Variants in UTP20 observed in about 807,000 individuals in gnomAD.
The protein encoded by UTP20 is UTP20 small subunit processome component.
UTP20 carries 164 observed loss-of-function variants against 329.5 expected under a neutral mutation model. That is an observed-to-expected ratio of 0.50 (90% CI 0.44 to 0.57). UTP20 has a LOEUF of 0.57. Among genes scored for constraint, UTP20 ranks in the 20% least tolerant of loss-of-function variants. The pLI is 0.00. For synonymous variants in UTP20, 1,151 were observed against 1,159.3 expected (o/e 0.99, Z 0.14); for missense variants, 3,055 against 3,284.2 (o/e 0.93, Z 1.71).
rs1175539996 is a variant in UTP20, at chr12:101,289,039, A to C, written c.595A>C (p.Lys199Gln). 1.2e-6 allele frequency: 2 copies of C among 1,609,302 alleles called. No individual in the cohort carries two copies. Among genetic ancestry groups the C allele is most frequent in the Admixed American group, 1.7e-5 (1 of 59,930 alleles). ...TGAAAGTTTTACTTTTTTGATGAGA[A>C]AGGTTAGTCTGGTATTTTATCTGTT... ...AAESFTFLMR[K>Q]VSDKNALFNL... The change falls in exon 6 of 62, where the codon AAG becomes CAG. Residue 199 changes from lysine (K) to glutamine (Q), a missense_variant and splice_region_variant. This residue lies in a region of UTP20 where 2,445 missense variants were observed against 2,575.5 expected (regional missense o/e 0.95). Coordinates refer to ENST00000261637, the MANE Select transcript of UTP20 (RefSeq NM_014503.3).
chr12:101,345,695 G>A lies in UTP20; in HGVS notation c.4746+1G>A. 6.2e-7 allele frequency: 1 copy of A among 1,605,746 alleles called. No homozygotes were observed. The highest frequency in any genetic ancestry group is 8.5e-7 in the Non-Finnish European group (1 of 1,177,804). On this transcript the variant is annotated splice_donor_variant, in intron 37 of 61. Transcript: ENST00000261637. LOFTEE classifies it high-confidence loss of function. ...CTTTGAGAACATGAAGCACATTCAG[G>A]TAGAAGACAATTCTGCTTTTTCCTA... is the stretch of plus-strand genomic sequence containing the variant.
chr12:101,329,295 T>G lies in UTP20; in HGVS notation c.3263T>G (p.Val1088Gly), dbSNP rs1204358919. 1 of 1,614,192 alleles carries G rather than the reference T, an allele frequency of 6.2e-7. No individual in the cohort carries two copies. The highest frequency in any genetic ancestry group is 8.5e-7 in the Non-Finnish European group (1 of 1,180,030). ...QAVEDLDLSK[V>G]LPLGRQHGIL... ...GTAGAAGACTTGGATTTGTCTAAAG[T>G]TCTTCCTTTAGGTCGTCAGCACGGT... Residue 1088 changes from valine (V) to glycine (G), a missense_variant, in exon 27 of 62, where the codon GTT becomes GGT. Val to Gly is a moderately radical substitution (Grantham distance 109). Coordinates refer to ENST00000261637, the MANE Select transcript of UTP20 (RefSeq NM_014503.3).
intron 35 of UTP20, among the ~76,000 whole-genome samples, chr12:101,343,635 G>A (rs1236199744): frequency 6.6e-6 from 1 of 151,968 alleles, no homozygotes; most frequent in Non-Finnish European, 1.5e-5. Context: ...TCAGCCTCCC[G>A]AATAGTAGCT....
intron 18 of UTP20, 40 bp downstream of exon 18, chr12:101,308,383 G>T (rs775079356): frequency 7.3e-7 from 1 of 1,360,610 alleles, no homozygotes; most frequent in Non-Finnish European, 9.5e-7. Context: ...TTTAATTCAT[G>T]CTTTAAATCC....
rs146428951 is a variant in UTP20, at chr12:101,351,981, C to G, written c.4885-74C>G. ...ATTACTGAGAACTTACTAACTTTTTCAATATACTGAGTTAGCCTTGCATTT... is the reference window on the plus strand; with the variant it reads ...ATTACTGAGAACTTACTAACTTTTTGAATATACTGAGTTAGCCTTGCATTT... On this transcript the variant is annotated intron_variant, in intron 38 of 61. Coordinates refer to ENST00000261637, the MANE Select transcript of UTP20 (RefSeq NM_014503.3). 5.2e-5 allele frequency: 81 copies of G among 1,546,556 alleles called. No individual in the cohort carries two copies. The African/African-American group carries it at 5.2e-4, about 10-fold the overall frequency.
chr12:101,379,697 T>G, intron 57 of UTP20, 139 bp downstream of exon 57: 1 of 915,662 alleles, frequency 1.1e-6, no homozygotes, highest in Non-Finnish European at 1.6e-6. Flanking sequence ...AATAGGAATA[T>G]TAGTCACTGG....
intron 29 of UTP20, among the ~76,000 whole-genome samples, chr12:101,336,056 T>G (rs1450134717): frequency 6.6e-6 from 1 of 152,244 alleles, no homozygotes; most frequent in Admixed American, 6.5e-5. Context: ...TGGATGCCAC[T>G]TCATTCTTTT....
intron 29 of UTP20, among the ~76,000 whole-genome samples, chr12:101,335,062 G>T (rs779728761): frequency 7.2e-5 from 11 of 152,110 alleles, no homozygotes; most frequent in South Asian, 6.2e-4. Flanking sequence ...AATATGAAAT[G>T]AAATAGAAAC....
At chr12:101,295,439 A>G (rs1043865449) in intron 11 of UTP20, 41 bp from the exon 12 acceptor site, 5 of 1,486,826 alleles carry the variant, frequency 3.4e-6, no homozygotes, top group Non-Finnish European at 3.6e-6. Flanking sequence ...TCTCTTTATT[A>G]TATCTGTTAA....
chr12:101,371,746 A>C (rs933839854), intron 51 of UTP20, among the ~76,000 whole-genome samples: 6 of 151,790 alleles, frequency 4.0e-5, no homozygotes, highest in Admixed American at 6.6e-5. Flanking sequence ...GTTGGCCAGG[A>C]TGGTCTTGAT....
At chr12:101,312,683 AC>A (rs1182601477) in intron 21 of UTP20, among the ~76,000 whole-genome samples, 1 of 152,144 alleles carries the variant, frequency 6.6e-6, no homozygotes, top group Non-Finnish European at 1.5e-5. Flanking sequence ...CAGGTGATCC[AC>A]CCACCTCGGC....
intron 22 of UTP20, among the ~76,000 whole-genome samples, chr12:101,318,374 CATTT>C (rs1481967280): frequency 1.3e-5 from 2 of 152,134 alleles, no homozygotes; most frequent in Non-Finnish European, 2.9e-5. Context: ...TCCCCTGAGC[CATTT>C]ATTAGTTCAT....
intron 15 of UTP20, 136 bp downstream of exon 15, chr12:101,302,689 T>C (rs1014072749): frequency 1.6e-5 from 9 of 567,014 alleles, no homozygotes; most frequent in Non-Finnish European, 1.2e-5. Flanking sequence ...AAATTTAATA[T>C]TGATTTAGAT....
Position 101,374,926 on chromosome 12 carries a change from A to G in UTP20, c.7250A>G (p.Glu2417Gly). The change falls in exon 55 of 62, where the codon GAA (glutamate) becomes GGA (glycine). Residue 2417 changes from glutamate to glycine, a missense_variant. Coordinates refer to ENST00000261637, the MANE Select transcript of UTP20 (RefSeq NM_014503.3). Reference sequence around the variant, plus strand: ...GTGATTGAAAAGGAAATTGATCCTGAAAACTTTAAAGATGTAAGTAATTTG... The same window carrying G: ...GTGATTGAAAAGGAAATTGATCCTGGAAACTTTAAAGATGTAAGTAATTTG... ...LPVIEKEIDP[E>G]NFKDIMEETE... 1 of 1,612,320 alleles carries G rather than the reference A, an allele frequency of 6.2e-7. No homozygotes were observed. The highest frequency in any genetic ancestry group is 1.1e-5 in the South Asian group (1 of 91,002).
intron 15 of UTP20, among the ~76,000 whole-genome samples, chr12:101,305,203 C>T (rs1199823019): frequency 1.3e-5 from 2 of 151,974 alleles, no homozygotes; most frequent in Admixed American, 6.6e-5. Flanking sequence ...AGCCTTTCTC[C>T]ATGACGCTCA....
intron 43 of UTP20, among the ~76,000 whole-genome samples, chr12:101,359,003 G>A (rs1205933361): frequency 6.6e-6 from 1 of 152,054 alleles, no homozygotes. Context: ...ACTCTGGTTG[G>A]CATTTTCTGA....
chr12:101,362,590 G>A (rs1346955511), intron 44 of UTP20, among the ~76,000 whole-genome samples: 1 of 112,580 alleles, frequency 8.9e-6, no homozygotes, highest in Non-Finnish European at 1.5e-5. Flanking sequence ...TGTAATCCCA[G>A]CTACCCAGGA....
rs186228274 is a variant in UTP20 at position 101,360,882 on chromosome 12, C to A, written c.5692-1080C>A. 6.6e-5 allele frequency among the ~76,000 whole-genome samples: 10 copies of A among 152,236 alleles called. No individual in the cohort carries two copies. In the East Asian group the frequency reaches 1.4e-3, roughly 21 times the overall value. ...CATAAGAAACTATGCGTTTAAGACC[C>A]AATCTACGTTTTGACAACTAAATGT... On this transcript the variant is annotated intron_variant, in intron 43 of 61. Transcript: ENST00000261637.
intron 4 of UTP20, 132 bp downstream of exon 4, chr12:101,286,013 T>G: frequency 7.8e-7 from 1 of 1,280,308 alleles, no homozygotes; most frequent in Non-Finnish European, 1.1e-6. Flanking sequence ...CCTTTTCTGT[T>G]AGGAATAAGT....
Sources: allele counts gnomAD v4.1 joint callset (sites outside exome capture counted in the v4.1 genomes callset), GRCh38; gene constraint gnomAD v4.1.1; regional missense constraint gnomAD v4.1.1; transcripts MANE v1.5; gene names NCBI Gene and HGNC (gene_info 2026-07-23, HGNC 2026-07-21).